RPS6KA2: variants seen among roughly 807,000 people sequenced by gnomAD.
The protein encoded by RPS6KA2 is ribosomal protein S6 kinase A2.
RPS6KA2 carries 42 observed loss-of-function variants against 91.8 expected under a neutral mutation model. That is an observed-to-expected ratio of 0.46 (90% confidence interval 0.36 to 0.59). The LOEUF (loss-of-function observed/expected upper bound fraction) is 0.59, where lower values mean the gene tolerates loss of function less well. Among genes scored for constraint, RPS6KA2 ranks in the 20% least tolerant of loss-of-function variants. The pLI is 0.00. For synonymous variants in RPS6KA2, 414 were observed against 393.6 expected (o/e 1.05, Z -0.61); for missense variants, 798 against 978.5 (o/e 0.82, Z 2.46).
intron 1 of RPS6KA2, among the ~76,000 whole-genome samples, chr6:166,600,834 A>G (rs1785706747): frequency 6.6e-6 from 1 of 152,242 alleles, no homozygotes; most frequent in South Asian, 2.1e-4. Flanking sequence ...GCATTTTGAA[A>G]TTGGTCTTAT....
intron 11 of RPS6KA2, among the ~76,000 whole-genome samples, chr6:166,468,762 G>A (rs1035435730): frequency 6.8e-6 from 1 of 148,000 alleles, no homozygotes; most frequent in African/African-American, 2.5e-5. Context: ...TATTCGGGAG[G>A]CTGAGGCAGG....
At chr6:166,854,458 C>A (rs373312532) in intron 2 of RPS6KA2, among the ~76,000 whole-genome samples, 2 of 149,996 alleles carry the variant, frequency 1.3e-5, no homozygotes, top group South Asian at 2.2e-4. Flanking sequence ...ACCTCCTGCG[C>A]TCCTCCAGGG....
Position 166,451,109 on chromosome 6 carries a change from G to A in RPS6KA2, c.1200C>T (p.Ile400=). Residue 400 remains isoleucine (I), a synonymous_variant, in exon 13 of 21, where the codon ATC becomes ATT. Transcript: ENST00000265678. ...QDLHKVPVHP[I]VQQLHGNNIH... The stretch of plus-strand genomic sequence containing the variant: ...TGCAGGCAAACACAGTTACCTGCAC[G>A]ATTGGGTGAACTGGGACTTTGTGCA... 9.3e-6 allele frequency: 15 copies of A among 1,614,030 alleles called. No individual in the cohort carries two copies. Among genetic ancestry groups the A allele is most frequent in the East Asian group, 2.2e-5 (1 of 44,870 alleles).
chr6:166,860,249 C>T (rs1781014003), intron 1 of RPS6KA2, among the ~76,000 whole-genome samples: 2 of 152,200 alleles, frequency 1.3e-5, no homozygotes, highest in South Asian at 4.1e-4. Flanking sequence ...ACTGTCCATA[C>T]TCCACCAGCT....
chr6:166,450,045 A>C (rs1779826887), intron 13 of RPS6KA2, among the ~76,000 whole-genome samples: 1 of 149,024 alleles, frequency 6.7e-6, no homozygotes, highest in African/African-American at 2.5e-5. Flanking sequence ...CACCATGGGA[A>C]CCACCACAGG....
intron 2 of RPS6KA2, among the ~76,000 whole-genome samples, chr6:166,658,941 G>A (rs1562368660): frequency 6.6e-6 from 1 of 152,112 alleles, no homozygotes; most frequent in African/African-American, 2.4e-5. Flanking sequence ...AACCCGCCCC[G>A]ACACGTGACT....
intron 2 of RPS6KA2, among the ~76,000 whole-genome samples, chr6:166,699,028 C>T (rs1789433735): frequency 6.6e-6 from 1 of 152,094 alleles, no homozygotes; most frequent in Non-Finnish European, 1.5e-5. Flanking sequence ...AGATAGCAGG[C>T]ATGGTAGTGA....
At chr6:166,572,890 TGAA>T (rs1377476288) in intron 1 of RPS6KA2, among the ~76,000 whole-genome samples, 2 of 152,216 alleles carry the variant, frequency 1.3e-5, no homozygotes, top group African/African-American at 4.8e-5. Flanking sequence ...CCCTGCCTGC[TGAA>T]GAAGAAAACA....
At chr6:166,808,218 C>T (rs369207107) in intron 2 of RPS6KA2, among the ~76,000 whole-genome samples, 10 of 152,334 alleles carry the variant, frequency 6.6e-5, no homozygotes, top group Admixed American at 2.6e-4. Flanking sequence ...TCACCCAGGA[C>T]GCCCTGTTGG....
chr6:166,798,252 G>A (rs1779274679), intron 2 of RPS6KA2, among the ~76,000 whole-genome samples: 2 of 152,192 alleles, frequency 1.3e-5, no homozygotes, highest in Admixed American at 1.3e-4. Flanking sequence ...AGTCCTTGCT[G>A]TGTCCATTCT....
At position 166,493,093 on chromosome 6, in the gene RPS6KA2, G is replaced by A. The variant is rs1267286207; in HGVS notation, c.748-2352C>T. On this transcript the variant is annotated intron_variant, in intron 8 of 20. Transcript: ENST00000265678. The surrounding 1 kb of genome is among the most constrained non-coding windows in gnomAD (Gnocchi z 4.7). ...TGTGATCAGGGTCCACTGCTTTGTG[G>A]TTCTCTCTCTTCCTCCCCTTCTTCC... Among the ~76,000 whole-genome samples the A allele has an allele frequency of 6.6e-6, 1 of 151,956 alleles. No homozygotes were observed. Among genetic ancestry groups the A allele is most frequent in the Non-Finnish European group, 1.5e-5 (1 of 67,978 alleles).
chr6:166,500,988 G>C lies in RPS6KA2; in HGVS notation c.567-64C>G. 1 of 1,491,246 alleles carries C rather than the reference G, an allele frequency of 6.7e-7. No individual in the cohort carries two copies. The highest frequency in any genetic ancestry group is 9.3e-7 in the Non-Finnish European group (1 of 1,073,488). The allele number at this position is 1,491,246 out of a possible 1,614,324, so 92.4% of individuals were successfully genotyped here. ...GACCCAGCCTGCCGACGGGCACGCAGAGCTCAGAGGAGAGCTGCGGGGCAG... is the reference window on the plus strand; with the variant it reads ...GACCCAGCCTGCCGACGGGCACGCACAGCTCAGAGGAGAGCTGCGGGGCAG... On this transcript the variant is annotated intron_variant, in intron 6 of 20. Transcript: ENST00000265678. The surrounding 1 kb of genome is among the most constrained non-coding windows in gnomAD (Gnocchi z 4.3).
intron 2 of RPS6KA2, among the ~76,000 whole-genome samples, chr6:166,785,052 G>C (rs1330043455): frequency 6.6e-6 from 1 of 152,184 alleles, no homozygotes; most frequent in Non-Finnish European, 1.5e-5. Flanking sequence ...CTGTATACAC[G>C]TGTCTGTATA....
At chr6:166,652,274 A>G (rs1359717070) in intron 2 of RPS6KA2, among the ~76,000 whole-genome samples, 1 of 152,180 alleles carries the variant, frequency 6.6e-6, no homozygotes, top group Non-Finnish European at 1.5e-5. Context: ...TGTGCATTTT[A>G]TATTCTGGTT....
intron 2 of RPS6KA2, among the ~76,000 whole-genome samples, chr6:166,784,973 C>T (rs1583115499): frequency 1.3e-5 from 2 of 152,330 alleles, no homozygotes; most frequent in South Asian, 4.1e-4. Flanking sequence ...GTTCTGATGT[C>T]AGGAAAATCC....
intron 2 of RPS6KA2, among the ~76,000 whole-genome samples, chr6:166,773,385 CG>C (rs1273561933): frequency 3.5e-5 from 5 of 142,432 alleles, no homozygotes; most frequent in East Asian, 2.0e-4. Flanking sequence ...TCTTTCTTTT[CG>C]TTTTTTTTTG....
At chr6:166,530,012 T>G (rs1486798594) in intron 3 of RPS6KA2, among the ~76,000 whole-genome samples, 3 of 152,212 alleles carry the variant, frequency 2.0e-5, no homozygotes, top group Admixed American at 2.0e-4. Context: ...CTGTACATAT[T>G]TGGTCTATGC....
intron 1 of RPS6KA2, among the ~76,000 whole-genome samples, chr6:166,605,156 G>A (rs1785901205): frequency 6.6e-6 from 1 of 152,180 alleles, no homozygotes; most frequent in East Asian, 1.9e-4. Flanking sequence ...CAAGTCACCT[G>A]CACAGGGGCC....
At position 166,504,595 on chromosome 6, in the gene RPS6KA2, C is replaced by T. The variant is rs1782131006; in HGVS notation, c.477G>A (p.Glu159=). 2 of 1,612,746 alleles carry T rather than the reference C, an allele frequency of 1.2e-6. No individual in the cohort carries two copies. The highest frequency in any genetic ancestry group is 1.7e-6 in the Non-Finnish European group (2 of 1,179,212). Residue 159 remains glutamate (E), a synonymous_variant, in exon 6 of 21, where the codon GAG becomes GAA. Transcript: ENST00000265678. ...RLSKEVMFTE[E]DVKFYLAELA... is the part of the protein sequence containing the mutation. The stretch of plus-strand genomic sequence containing the variant: ...GCTCAGCCAGGTAGAACTTGACATC[C>T]TCCTCCGTGAACATGACCTAGTAAG...
Sources: gnomAD v4.1 joint callset for allele counts (sites outside exome capture counted in the v4.1 genomes callset) on GRCh38, gnomAD v4.1.1 for gene constraint, Gnocchi (gnomAD v3.1) non-coding constraint, MANE v1.5 for transcripts, NCBI Gene and HGNC (gene_info 2026-07-23, HGNC 2026-07-21) for gene names.